JPH4: variants seen among roughly 807,000 people sequenced by gnomAD.
JPH4 encodes the protein junctophilin-4.
JPH4 carries 18 observed loss-of-function variants against 57.6 expected under a neutral mutation model. That is an observed-to-expected ratio of 0.31 (90% CI 0.22 to 0.46). The LOEUF is 0.46. Ranked by LOEUF, JPH4 falls within the 20% of genes least tolerant of loss-of-function variation. JPH4 has a pLI of 1.00. For synonymous variants in JPH4, 425 were observed against 406.6 expected (o/e 1.05, Z -0.54); for missense variants, 727 against 911.1 (o/e 0.80, Z 2.60).
rs1279230853 is a variant in JPH4 at position 23,576,471 on chromosome 14, G to C, written c.380-15C>G. The C allele has an allele frequency of 3.6e-6, 5 of 1,400,616 alleles. No individual in the cohort carries two copies. The highest frequency in any genetic ancestry group is 6.3e-5 in the Admixed American group (2 of 31,692). 86.8% of individuals were successfully genotyped at this position (1,400,616 alleles called of 1,614,324 possible). On this transcript the variant is annotated splice_polypyrimidine_tract_variant and intron_variant, in intron 2 of 5. Coordinates refer to ENST00000356300, the MANE Select transcript of JPH4 (RefSeq NM_001146028.2). This position sits in a 1 kb window ranked among gnomAD's most constrained non-coding sequence, Gnocchi z 8.0. Reference sequence around the variant, plus strand: ...CTGGTAGGTGCCTGCGGGCGGCGGAGGGGTGGGAGAAAGAGTCAGGACGTG... The same window carrying C: ...CTGGTAGGTGCCTGCGGGCGGCGGACGGGTGGGAGAAAGAGTCAGGACGTG...
chr14:23,571,284 C>T lies in JPH4; in HGVS notation c.1447G>A (p.Gly483Arg). The change falls in exon 5 of 6, where the codon GGA (glycine) becomes AGA (arginine). Residue 483 changes from glycine to arginine, a missense_variant. Coordinates refer to ENST00000356300, the MANE Select transcript of JPH4 (RefSeq NM_001146028.2). The surrounding 1 kb of genome is among the most constrained non-coding windows in gnomAD (Gnocchi z 4.6). ...CTGGAGAAGGGACCCTGGTCCCCTC[C>T]AGGAGGCAGTGGGCTCCGGCAGGCA... ...PPACRSPLPP[G>R]GDQGPFSSPK... 1 of 1,600,702 alleles carries T rather than the reference C, an allele frequency of 6.2e-7. No individual in the cohort carries two copies. Among genetic ancestry groups the T allele is most frequent in the Non-Finnish European group, 8.5e-7 (1 of 1,173,210 alleles).
intron 3 of JPH4, chr14:23,574,890 C>T (rs1293139370): frequency 5.0e-6 from 1 of 201,124 alleles, no homozygotes; most frequent in Non-Finnish European, 9.9e-6. Flanking sequence ...CTCAAGTGAT[C>T]CCCTTACCTC....
Position 23,571,262 on chromosome 14 carries a change from G to C in JPH4, c.1469C>G (p.Ser490Cys). Residue 490 changes from serine to cysteine, a missense_variant, in exon 5 of 6, where the codon TCC becomes TGC. Physicochemically the swap from Ser to Cys is moderately radical, Grantham distance 112. This residue lies in a region of JPH4 where 293 missense variants were observed against 279.8 expected (regional missense o/e 1.05). Coordinates refer to ENST00000356300, the MANE Select transcript of JPH4 (RefSeq NM_001146028.2). The surrounding 1 kb of genome is among the most constrained non-coding windows in gnomAD (Gnocchi z 4.6). ...LPPGGDQGPF[S>C]SPKAWPEEWG... The stretch of plus-strand genomic sequence containing the variant: ...CTCCTCAGGCCAAGCTTTGGGGCTG[G>C]AGAAGGGACCCTGGTCCCCTCCAGG... 6.2e-7 allele frequency: 1 copy of C among 1,606,924 alleles called. No individual in the cohort carries two copies. Among genetic ancestry groups the C allele is most frequent in the South Asian group, 1.1e-5 (1 of 90,392 alleles).
rs1019770486 is a variant in JPH4, at chr14:23,577,582, G to T, written c.-129C>A. Reference sequence around the variant, plus strand: ...AGTTAGACCGGGGCCGGGCGGGGGGGCCCCAGCGAGGGCAGGCAGGGCCGG... The same window carrying T: ...AGTTAGACCGGGGCCGGGCGGGGGGTCCCCAGCGAGGGCAGGCAGGGCCGG... On this transcript the variant is annotated 5_prime_UTR_variant, in exon 2 of 6. Coordinates refer to ENST00000356300, the MANE Select transcript of JPH4 (RefSeq NM_001146028.2). The surrounding 1 kb of genome is among the most constrained non-coding windows in gnomAD (Gnocchi z 8.4). 5.5e-6 allele frequency: 4 copies of T among 721,160 alleles called. No homozygotes were observed. The highest frequency in any genetic ancestry group is 3.7e-5 in the African/African-American group (2 of 53,366). The allele number at this position is 721,160 out of a possible 1,614,324, so 44.7% of individuals were successfully genotyped here.
At position 23,576,943 on chromosome 14, in the gene JPH4, G is replaced by T; in HGVS notation, c.379+132C>A. On this transcript the variant is annotated intron_variant, in intron 2 of 5. Transcript: ENST00000356300. This position sits in a 1 kb window ranked among gnomAD's most constrained non-coding sequence, Gnocchi z 8.0. ...GAGAGAGCAGAAATTGGGGGCTGGG[G>T]GTCACATCGATGGGGAATGGTGGCG... 1 of 1,082,272 alleles carries T rather than the reference G, an allele frequency of 9.2e-7. No individual in the cohort carries two copies. Among genetic ancestry groups the T allele is most frequent in the Non-Finnish European group, 1.3e-6 (1 of 795,444 alleles). 67.0% of individuals were successfully genotyped at this position (1,082,272 alleles called of 1,614,324 possible). A position where few individuals can be genotyped will look rare whatever the true frequency, so the allele number is the denominator to read the frequency against.
At position 23,577,487 on chromosome 14, in the gene JPH4, G is replaced by T; in HGVS notation, c.-34C>A. ...TTGGCGCGGCCTCAGCCCCCCGGCGGCTCAGCGCATCCTGGGACTGGAGAG... is the reference window on the plus strand; with the variant it reads ...TTGGCGCGGCCTCAGCCCCCCGGCGTCTCAGCGCATCCTGGGACTGGAGAG... On this transcript the variant is annotated 5_prime_UTR_variant, in exon 2 of 6. Coordinates refer to ENST00000356300, the MANE Select transcript of JPH4 (RefSeq NM_001146028.2). This position sits in a 1 kb window ranked among gnomAD's most constrained non-coding sequence, Gnocchi z 8.4. 3.6e-6 allele frequency: 5 copies of T among 1,389,810 alleles called. No individual in the cohort carries two copies. Among genetic ancestry groups the T allele is most frequent in the Non-Finnish European group, 4.6e-6 (5 of 1,076,300 alleles). The allele number at this position is 1,389,810 out of a possible 1,614,324, so 86.1% of individuals were successfully genotyped here. A position where few individuals can be genotyped will look rare whatever the true frequency, so the allele number is the denominator to read the frequency against.
At position 23,575,494 on chromosome 14, in the gene JPH4, A is replaced by G; in HGVS notation, c.1151+191T>C. ...CTCAAATACCCAGCTATCCAGAGTT[A>G]CACCCACATCCACCTGTAGCCTCGG... On this transcript the variant is annotated intron_variant, in intron 3 of 5. Transcript: ENST00000356300. The surrounding 1 kb of genome is among the most constrained non-coding windows in gnomAD (Gnocchi z 6.9). 1 of 660,634 alleles carries G rather than the reference A, an allele frequency of 1.5e-6. No individual in the cohort carries two copies. 40.9% of individuals were successfully genotyped at this position (660,634 alleles called of 1,614,324 possible).
Position 23,576,471 on chromosome 14 carries a change from G to A in JPH4, c.380-15C>T. 1 of 1,400,734 alleles carries A rather than the reference G, an allele frequency of 7.1e-7. No individual in the cohort carries two copies. 86.8% of individuals were successfully genotyped at this position (1,400,734 alleles called of 1,614,324 possible). The stretch of plus-strand genomic sequence containing the variant: ...CTGGTAGGTGCCTGCGGGCGGCGGA[G>A]GGGTGGGAGAAAGAGTCAGGACGTG... On this transcript the variant is annotated splice_polypyrimidine_tract_variant and intron_variant, in intron 2 of 5. Transcript: ENST00000356300. The surrounding 1 kb of genome is among the most constrained non-coding windows in gnomAD (Gnocchi z 8.0).
At position 23,576,503 on chromosome 14, in the gene JPH4, G is replaced by T; in HGVS notation, c.380-47C>A. 7.4e-7 allele frequency: 1 copy of T among 1,344,592 alleles called. No homozygotes were observed. The highest frequency in any genetic ancestry group is 9.5e-7 in the Non-Finnish European group (1 of 1,049,612). The allele number at this position is 1,344,592 out of a possible 1,614,324, so 83.3% of individuals were successfully genotyped here. A position where few individuals can be genotyped will look rare whatever the true frequency, so the allele number is the denominator to read the frequency against. On this transcript the variant is annotated intron_variant, in intron 2 of 5. Coordinates refer to ENST00000356300, the MANE Select transcript of JPH4 (RefSeq NM_001146028.2). This position sits in a 1 kb window ranked among gnomAD's most constrained non-coding sequence, Gnocchi z 8.0. ...GAGAAAGAGTCAGGACGTGCCGCTG[G>T]GCTCCTTGCGCCCCAAGTCCCAAGC...
rs780922451 is a variant in JPH4 at position 23,571,103 on chromosome 14, C to G, written c.1628G>C (p.Arg543Pro). The G allele has an allele frequency of 2.5e-6, 4 of 1,613,918 alleles. No homozygotes were observed. Among genetic ancestry groups the G allele is most frequent in the Non-Finnish European group, 3.4e-6 (4 of 1,179,950 alleles). The change falls in exon 5 of 6, where the codon CGA (arginine) becomes CCA (proline). Residue 543 changes from arginine (R) to proline (P), a missense_variant. Transcript: ENST00000356300. The surrounding 1 kb of genome is among the most constrained non-coding windows in gnomAD (Gnocchi z 4.6). ...CTCTTCATCCTCCCCCTCCTCCTCTCGAAGACTTCCTGAACTGTCGCTGCA... is the reference window on the plus strand; with the variant it reads ...CTCTTCATCCTCCCCCTCCTCCTCTGGAAGACTTCCTGAACTGTCGCTGCA... The part of the protein sequence containing the change: ...GGCSDSSGSL[R>P]EEEGEDEEPL...
In JPH4 at chr14:23,568,352, C is replaced by A; in HGVS notation, c.*1282G>T. 1 of 985,772 alleles carries A rather than the reference C, an allele frequency of 1.0e-6. No homozygotes were observed. Among genetic ancestry groups the A allele is most frequent in the Non-Finnish European group, 1.2e-6 (1 of 829,876 alleles). The allele number at this position is 985,772 out of a possible 1,614,324, so 61.1% of individuals were successfully genotyped here. A position where few individuals can be genotyped will look rare whatever the true frequency, so the allele number is the denominator to read the frequency against. Reference sequence around the variant, plus strand: ...AGGGAGGAAAGATCCCCTGGGGACCCTGCAGTCCCCTCTTCCTAGGGCTTC... The same window carrying A: ...AGGGAGGAAAGATCCCCTGGGGACCATGCAGTCCCCTCTTCCTAGGGCTTC... On this transcript the variant is annotated 3_prime_UTR_variant, in exon 6 of 6. Transcript: ENST00000356300.
At chr14:23,573,931 CTCTG>C (rs1291992466) in intron 3 of JPH4, among the ~76,000 whole-genome samples, 1 of 142,452 alleles carries the variant, frequency 7.0e-6, no homozygotes. Flanking sequence ...CTTTCTCTCT[CTCTG>C]TAACACACAC....
At position 23,571,617 on chromosome 14, in the gene JPH4, A is replaced by T. The variant is rs1566678473; in HGVS notation, c.1271-157T>A. On this transcript the variant is annotated intron_variant, in intron 4 of 5. Coordinates refer to ENST00000356300, the MANE Select transcript of JPH4 (RefSeq NM_001146028.2). The surrounding 1 kb of genome is among the most constrained non-coding windows in gnomAD (Gnocchi z 4.6). Reference sequence around the variant, plus strand: ...CAAACCCCCCATTATCCTACTGCATACATTCCCAAGTCCCACTCCCCAGAC... The same window carrying T: ...CAAACCCCCCATTATCCTACTGCATTCATTCCCAAGTCCCACTCCCCAGAC... Among the ~76,000 whole-genome samples the T allele has an allele frequency of 6.6e-6, 1 of 152,112 alleles. No homozygotes were observed. The highest frequency in any genetic ancestry group is 1.5e-5 in the Non-Finnish European group (1 of 67,976).
In JPH4 at chr14:23,569,585, G is replaced by C; in HGVS notation, c.*49C>G. 7.8e-7 allele frequency: 1 copy of C among 1,281,910 alleles called. No homozygotes were observed. The highest frequency in any genetic ancestry group is 1.1e-6 in the Non-Finnish European group (1 of 900,820). 79.4% of individuals were successfully genotyped at this position (1,281,910 alleles called of 1,614,324 possible). On this transcript the variant is annotated 3_prime_UTR_variant, in exon 6 of 6. Transcript: ENST00000356300. This position sits in a 1 kb window ranked among gnomAD's most constrained non-coding sequence, Gnocchi z 4.8. ...GAGAAGAGAAAAAAGGCAGGTCAAA[G>C]GGGTGAAGAGGCACGCAACCAAAGC... is the stretch of plus-strand genomic sequence containing the variant.
At position 23,571,542 on chromosome 14, in the gene JPH4, T is replaced by G; in HGVS notation, c.1271-82A>C. 1 of 1,488,766 alleles carries G rather than the reference T, an allele frequency of 6.7e-7. No homozygotes were observed. The highest frequency in any genetic ancestry group is 9.0e-7 in the Non-Finnish European group (1 of 1,109,304). The allele number at this position is 1,488,766 out of a possible 1,614,324, so 92.2% of individuals were successfully genotyped here. On this transcript the variant is annotated intron_variant, in intron 4 of 5. Transcript: ENST00000356300. The surrounding 1 kb of genome is among the most constrained non-coding windows in gnomAD (Gnocchi z 4.6). ...TGCAGCTTTATTCCTGACTGGGCACTTCCCAGGACTTTGGAATTCCCAGGC... is the reference window on the plus strand; with the variant it reads ...TGCAGCTTTATTCCTGACTGGGCACGTCCCAGGACTTTGGAATTCCCAGGC...
chr14:23,570,435 G>A (rs1403319923), intron 5 of JPH4, among the ~76,000 whole-genome samples: 2 of 146,240 alleles, frequency 1.4e-5, no homozygotes, highest in Non-Finnish European at 3.0e-5. Context: ...GCAGTGGCGC[G>A]ATCTCAGCTC....
In JPH4 at chr14:23,571,160, C is replaced by T. The variant is rs1889129843; in HGVS notation, c.1571G>A (p.Gly524Glu). The T allele has an allele frequency of 1.2e-6, 2 of 1,614,006 alleles. No individual in the cohort carries two copies. The highest frequency in any genetic ancestry group is 1.7e-6 in the Non-Finnish European group (2 of 1,180,010). ...GAGGAGTGGGGAACCGTCTCTGGGC[C>T]CTGGCCCTTGCATCCCAGCCTCATC... ...AEDEAGMQGP[G>E]PRDGSPLLGG... Residue 524 changes from glycine (G) to glutamate (E), a missense_variant, in exon 5 of 6, where the codon GGG becomes GAG. By Grantham distance (98) the Gly-to-Glu change is moderately conservative (BLOSUM62 -2). Transcript: ENST00000356300. The surrounding 1 kb of genome is among the most constrained non-coding windows in gnomAD (Gnocchi z 4.6).
chr14:23,570,092 C>T (rs975141359), intron 5 of JPH4, among the ~76,000 whole-genome samples: 1 of 152,104 alleles, frequency 6.6e-6, no homozygotes, highest in Non-Finnish European at 1.5e-5. Context: ...AGGCCTAGAG[C>T]CCAATCAGAG....
chr14:23,574,183 T>C (rs949511633), intron 3 of JPH4, among the ~76,000 whole-genome samples: 3 of 152,008 alleles, frequency 2.0e-5, no homozygotes, highest in African/African-American at 7.3e-5. Context: ...TAGATTTTTT[T>C]TTTTTTTTTA....
Sources: allele counts gnomAD v4.1 joint callset (sites outside exome capture counted in the v4.1 genomes callset), GRCh38; gene constraint gnomAD v4.1.1; regional missense constraint gnomAD v4.1.1; non-coding constraint Gnocchi (gnomAD v3.1); transcripts MANE v1.5; gene names NCBI Gene and HGNC (gene_info 2026-07-23, HGNC 2026-07-21).